Variants in MALRD1 observed in about 807,000 individuals in gnomAD.
The protein encoded by MALRD1 is MAM and LDL receptor class A domain containing 1, also known as MAM and LDL-receptor class A domain-containing protein 1.
MALRD1 carries 247 observed loss-of-function variants against 242.1 expected under a neutral mutation model. That is an observed-to-expected ratio of 1.02 (90% CI 0.92 to 1.13). The LOEUF (loss-of-function observed/expected upper bound fraction) is 1.13, where lower values mean the gene tolerates loss of function less well. MALRD1 is among the 50% of genes most tolerant of loss of function. MALRD1 has a pLI of 0.00. For missense variants in MALRD1, 2,989 were observed against 2,533.1 expected, an observed-to-expected ratio of 1.18 and a Z score of -3.86; for synonymous variants, 995 against 866.6, an observed-to-expected ratio of 1.15 and a Z score of -2.60.
chr10:19,608,311 A>G (rs903538760), intron 35 of MALRD1, among the ~76,000 whole-genome samples: 2 of 152,046 alleles, frequency 1.3e-5, no homozygotes, highest in African/African-American at 2.4e-5. Context: ...TTCTATTTGC[A>G]TAATCTAGTT....
chr10:19,122,879 C>T lies in MALRD1; in HGVS notation c.695-613C>T, dbSNP rs1338785139. Among the ~76,000 whole-genome samples the T allele has an allele frequency of 2.6e-5, 4 of 152,116 alleles. No individual in the cohort carries two copies. The East Asian group carries it at 7.7e-4, about 29-fold the overall frequency. On this transcript the variant is annotated intron_variant, in intron 5 of 39. Transcript: ENST00000454679. The stretch of plus-strand genomic sequence containing the variant: ...TAGCTGGGATTATGGATGCCTGCCA[C>T]CACGCCCAGATAATTTTTGTATTTT...
chr10:19,541,206 T>C (rs530735152), intron 32 of MALRD1, among the ~76,000 whole-genome samples: 1 of 152,362 alleles, frequency 6.6e-6, no homozygotes, highest in East Asian at 1.9e-4. Flanking sequence ...TTTCTGTTTA[T>C]GCTGAACTTC....
At chr10:19,619,615 G>A (rs1333209298) in intron 36 of MALRD1, among the ~76,000 whole-genome samples, 2 of 151,990 alleles carry the variant, frequency 1.3e-5, no homozygotes, top group Non-Finnish European at 2.9e-5. Context: ...AAAGAGGAAA[G>A]AAAGGAATAA....
At chr10:19,528,063 G>A (rs541808588) in intron 31 of MALRD1, among the ~76,000 whole-genome samples, 18 of 152,208 alleles carry the variant, frequency 1.2e-4, no homozygotes, top group South Asian at 4.1e-4. Context: ...AAAACAAGCC[G>A]TATTTTTGGA....
chr10:19,604,616 G>T (rs1235830146), intron 34 of MALRD1, among the ~76,000 whole-genome samples: 1 of 152,180 alleles, frequency 6.6e-6, no homozygotes, highest in Admixed American at 6.5e-5. Context: ...AATCATTGAT[G>T]AATGTGGCTG....
intron 36 of MALRD1, among the ~76,000 whole-genome samples, chr10:19,648,963 C>A (rs1486729450): frequency 6.6e-6 from 1 of 152,108 alleles, no homozygotes; most frequent in Non-Finnish European, 1.5e-5. Context: ...ATCATTGAGC[C>A]CCCACTTATA....
chr10:19,284,373 G>C (rs1186015952), intron 21 of MALRD1, among the ~76,000 whole-genome samples: 1 of 149,096 alleles, frequency 6.7e-6, no homozygotes, highest in Non-Finnish European at 1.5e-5. Flanking sequence ...CTAGCATTAG[G>C]TATATCTCCC....
Position 19,085,944 on chromosome 10 carries a change from A to C in MALRD1, c.341-1896A>C, listed in dbSNP as rs545965790. On this transcript the variant is annotated intron_variant, in intron 2 of 39. Coordinates refer to ENST00000454679, the MANE Select transcript of MALRD1 (RefSeq NM_001142308.3). ...ATTGCTAATAGTATTATTTAAACCT[A>C]AAATAATATATGCATATGGCTGATT... is the stretch of plus-strand genomic sequence containing the variant. Among the ~76,000 whole-genome samples, 11 of 152,180 alleles carry C rather than the reference A, an allele frequency of 7.2e-5. No homozygotes were observed. In the East Asian group the frequency reaches 1.4e-3, roughly 19 times the overall value.
intron 31 of MALRD1, among the ~76,000 whole-genome samples, chr10:19,518,072 A>C (rs1833717957): frequency 6.6e-6 from 1 of 152,200 alleles, no homozygotes; most frequent in Non-Finnish European, 1.5e-5. Flanking sequence ...GATTGGCTAT[A>C]CTGCTAGGCA....
chr10:19,479,469 C>G (rs987628350), intron 29 of MALRD1, among the ~76,000 whole-genome samples: 2 of 152,178 alleles, frequency 1.3e-5, no homozygotes, highest in East Asian at 3.9e-4. Flanking sequence ...AGCATGTATT[C>G]TGGCTTGGCT....
chr10:19,175,192 C>A lies in MALRD1; in HGVS notation c.1831-16C>A, dbSNP rs953740282. 1 of 1,225,946 alleles carries A rather than the reference C, an allele frequency of 8.2e-7. No homozygotes were observed. The highest frequency in any genetic ancestry group is 3.2e-5 in the East Asian group (1 of 31,374). The allele number at this position is 1,225,946 out of a possible 1,614,324, so 75.9% of individuals were successfully genotyped here. A position where few individuals can be genotyped will look rare whatever the true frequency, so the allele number is the denominator to read the frequency against. On this transcript the variant is annotated splice_polypyrimidine_tract_variant and intron_variant, in intron 13 of 39. Transcript: ENST00000454679. ...TGTGATGTGTTTTTAACAGTTTTATCTTTCTGTAATTATAGTTAATTTTGG... is the reference window on the plus strand; with the variant it reads ...TGTGATGTGTTTTTAACAGTTTTATATTTCTGTAATTATAGTTAATTTTGG...
chr10:19,587,548 T>G lies in MALRD1; in HGVS notation c.5681-7646T>G, dbSNP rs114647464. Among the ~76,000 whole-genome samples the G allele has an allele frequency of 2.1e-3, 320 of 152,380 alleles. 1 individual carries two copies. Among genetic ancestry groups the G allele is most frequent in the African/African-American group, 7.4e-3 (309 of 41,594 alleles). ...TTTTATGGAACTTGTATGAAATTCT[T>G]GAGCACATTTCATTGAATTTCATTG... On this transcript the variant is annotated intron_variant, in intron 33 of 39. Coordinates refer to ENST00000454679, the MANE Select transcript of MALRD1 (RefSeq NM_001142308.3).
chr10:19,310,608 A>G (rs1842388224), intron 21 of MALRD1, among the ~76,000 whole-genome samples: 1 of 151,580 alleles, frequency 6.6e-6, no homozygotes, highest in Non-Finnish European at 1.5e-5. Flanking sequence ...GCTGTTCTTC[A>G]TCTCCTAAAT....
At chr10:19,539,408 A>T (rs939507802) in intron 32 of MALRD1, among the ~76,000 whole-genome samples, 11 of 152,122 alleles carry the variant, frequency 7.2e-5, no homozygotes, top group African/African-American at 2.7e-4. Context: ...CATTTTCATT[A>T]CTCAATATTG....
intron 18 of MALRD1, among the ~76,000 whole-genome samples, chr10:19,234,799 CAA>C (rs1403547300): frequency 6.6e-6 from 1 of 151,992 alleles, no homozygotes; most frequent in African/African-American, 2.4e-5. Context: ...CAAAGTGAGA[CAA>C]AGGCACACAA....
At position 19,461,896 on chromosome 10, in the gene MALRD1, C is replaced by T. The variant is rs556024102; in HGVS notation, c.5029+11406C>T. On this transcript the variant is annotated intron_variant, in intron 29 of 39. Coordinates refer to ENST00000454679, the MANE Select transcript of MALRD1 (RefSeq NM_001142308.3). The stretch of plus-strand genomic sequence containing the variant: ...GAACGTCCATCTCTACTTTACCGTA[C>T]ATAAAGAAAACATGACTCCGGGGAA... Among the ~76,000 whole-genome samples the T allele has an allele frequency of 2.0e-3, 311 of 152,234 alleles. 2 individuals carry two copies. Among genetic ancestry groups the T allele is most frequent in the Non-Finnish European group, 3.5e-3 (240 of 68,022 alleles).
rs563492257 is a variant in MALRD1, at chr10:19,228,598, C to T, written c.2991+18918C>T. Among the ~76,000 whole-genome samples, 20 of 152,152 alleles carry T rather than the reference C, an allele frequency of 1.3e-4. No homozygotes were observed. The South Asian group carries it at 2.5e-3, about 19-fold the overall frequency. ...GGAGCTTATCTGTGAACATTAGTTG[C>T]AGAGCAGGAGTTATTTTTATAGAGT... is the stretch of plus-strand genomic sequence containing the variant. On this transcript the variant is annotated intron_variant, in intron 18 of 39. Coordinates refer to ENST00000454679, the MANE Select transcript of MALRD1 (RefSeq NM_001142308.3).
intron 21 of MALRD1, among the ~76,000 whole-genome samples, chr10:19,317,220 C>T (rs1842742726): frequency 6.6e-6 from 1 of 151,862 alleles, no homozygotes; most frequent in Admixed American, 6.6e-5. Flanking sequence ...GATCAAGGCA[C>T]TGACATATTT....
chr10:19,557,010 A>G (rs980203042), intron 32 of MALRD1, among the ~76,000 whole-genome samples: 1 of 151,964 alleles, frequency 6.6e-6, no homozygotes, highest in Admixed American at 6.6e-5. Context: ...GTGTCATCCC[A>G]TTTTTGTTTT....
Sources: allele counts gnomAD v4.1 joint callset (sites outside exome capture counted in the v4.1 genomes callset), GRCh38; gene constraint gnomAD v4.1.1; transcripts MANE v1.5; gene names NCBI Gene and HGNC (gene_info 2026-07-23, HGNC 2026-07-21).